SORCS1: variants seen among roughly 807,000 people sequenced by gnomAD.
SORCS1 encodes the protein sortilin related VPS10 domain containing receptor 1.
In SORCS1, 60 loss-of-function variants were observed where a neutral mutation model predicts 146.1. That is an observed-to-expected ratio of 0.41 (90% CI 0.33 to 0.51). The LOEUF (loss-of-function observed/expected upper bound fraction) is 0.51. SORCS1 is among the 20% of genes least tolerant of loss of function. The pLI is 0.21. For synonymous variants in SORCS1, 637 were observed against 584.0 expected (o/e 1.09, Z -1.31); for missense variants, 1,352 against 1,487.6 (o/e 0.91, Z 1.50).
rs1037563487 is a variant in SORCS1, at chr10:106,673,005, A to G, written c.1941-20T>C. The G allele has an allele frequency of 6.3e-7, 1 of 1,583,766 alleles. No homozygotes were observed. The highest frequency in any genetic ancestry group is 1.3e-5 in the African/African-American group (1 of 74,328). On this transcript the variant is annotated intron_variant, in intron 14 of 25. Coordinates refer to ENST00000263054, the MANE Select transcript of SORCS1 (RefSeq NM_052918.5). ...AACACTCTACAGAGTTCATGGTGAT[A>G]AAAATAATTACAATGATAACAATGT...
chr10:106,977,245 A>T (rs1956067117), intron 1 of SORCS1, among the ~76,000 whole-genome samples: 2 of 152,146 alleles, frequency 1.3e-5, no homozygotes, highest in African/African-American at 4.8e-5. Flanking sequence ...CTGGCATGAG[A>T]TGGTATCCCA....
At chr10:106,991,669 A>C (rs1956777533) in intron 1 of SORCS1, among the ~76,000 whole-genome samples, 1 of 152,158 alleles carries the variant, frequency 6.6e-6, no homozygotes, top group Admixed American at 6.5e-5. Context: ...TTAAAAAATT[A>C]TTACTCCTGG....
intron 3 of SORCS1, among the ~76,000 whole-genome samples, chr10:106,804,210 A>G (rs1207843487): frequency 2.0e-5 from 3 of 152,172 alleles, no homozygotes; most frequent in Admixed American, 6.5e-5. Context: ...GCTACTTGCC[A>G]TATCAGCTGC....
intron 4 of SORCS1, among the ~76,000 whole-genome samples, chr10:106,767,155 T>G (rs1290205154): frequency 1.3e-5 from 2 of 152,020 alleles, no homozygotes; most frequent in South Asian, 4.1e-4. Context: ...AAGATAAGAG[T>G]ATCAAAGCTG....
At chr10:107,116,423 A>G (rs991630905) in intron 1 of SORCS1, among the ~76,000 whole-genome samples, 3 of 152,122 alleles carry the variant, frequency 2.0e-5, no homozygotes, top group African/African-American at 7.2e-5. Flanking sequence ...ATACATATAT[A>G]ATGTATTATA....
intron 1 of SORCS1, among the ~76,000 whole-genome samples, chr10:107,135,305 G>T (rs1421614644): frequency 2.0e-5 from 3 of 152,124 alleles, no homozygotes; most frequent in Non-Finnish European, 4.4e-5. Context: ...TTTCCCAGAT[G>T]GCACTGAGCA....
At chr10:106,752,323 G>A (rs920978142) in intron 5 of SORCS1, among the ~76,000 whole-genome samples, 6 of 152,138 alleles carry the variant, frequency 3.9e-5, no homozygotes, top group Non-Finnish European at 8.8e-5. Flanking sequence ...GTGGGCTTTC[G>A]TATACGGCCA....
chr10:107,148,350 T>A (rs1240716871), intron 1 of SORCS1, among the ~76,000 whole-genome samples: 1 of 152,228 alleles, frequency 6.6e-6, no homozygotes, highest in Non-Finnish European at 1.5e-5. Context: ...TTTGTTGTTG[T>A]AGCAGGAAAG....
Position 106,838,199 on chromosome 10 carries a change from T to C in SORCS1, c.627-8526A>G, listed in dbSNP as rs191327133. 2.0e-5 allele frequency among the ~76,000 whole-genome samples: 3 copies of C among 152,314 alleles called. No individual in the cohort carries two copies. In the East Asian group the frequency reaches 5.8e-4, roughly 29 times the overall value. On this transcript the variant is annotated intron_variant, in intron 2 of 25. Transcript: ENST00000263054. ...TACAATAGCCCCTGCTGTTAGAAGA[T>C]AAAATCAGCCGTGTGGAAAGAAGGG...
chr10:106,790,037 T>A (rs1946237834), intron 3 of SORCS1, among the ~76,000 whole-genome samples: 1 of 152,178 alleles, frequency 6.6e-6, no homozygotes, highest in Non-Finnish European at 1.5e-5. Flanking sequence ...TAGGGTCGGG[T>A]GGGGACCATC....
chr10:106,719,209 G>GA (rs530108377), intron 6 of SORCS1, among the ~76,000 whole-genome samples: 26 of 152,300 alleles, frequency 1.7e-4, no homozygotes, highest in Non-Finnish European at 3.4e-4. Context: ...TGGGGAGGAA[G>GA]AAATGAAACC....
At chr10:107,126,524 G>T (rs765408960) in intron 1 of SORCS1, among the ~76,000 whole-genome samples, 3 of 152,144 alleles carry the variant, frequency 2.0e-5, no homozygotes, top group Non-Finnish European at 4.4e-5. Context: ...TAAAAGAGAA[G>T]AACCTTGTGA....
intron 12 of SORCS1, among the ~76,000 whole-genome samples, chr10:106,678,321 C>T (rs1186340048): frequency 1.3e-5 from 2 of 152,270 alleles, no homozygotes; most frequent in African/African-American, 4.8e-5. Context: ...CTACATACCT[C>T]CAAGATCAAT....
At chr10:106,590,950 C>T (rs1257763698) in intron 24 of SORCS1, among the ~76,000 whole-genome samples, 3 of 152,178 alleles carry the variant, frequency 2.0e-5, no homozygotes, top group Non-Finnish European at 4.4e-5. Flanking sequence ...CCAGTGCACC[C>T]AGCCCATTAT....
chr10:106,883,005 A>G (rs1382884076), intron 2 of SORCS1, among the ~76,000 whole-genome samples: 1 of 152,182 alleles, frequency 6.6e-6, no homozygotes, highest in African/African-American at 2.4e-5. Flanking sequence ...TTCGACTACA[A>G]AAGCCGTATG....
intron 3 of SORCS1, among the ~76,000 whole-genome samples, chr10:106,808,315 G>T (rs1307923786): frequency 1.3e-5 from 2 of 152,148 alleles, no homozygotes; most frequent in African/African-American, 4.8e-5. Flanking sequence ...ACCGCACCTG[G>T]CCCGGTGCTG....
chr10:107,007,302 T>C lies in SORCS1; in HGVS notation c.559-50722A>G, dbSNP rs1458733710. Among the ~76,000 whole-genome samples the C allele has an allele frequency of 3.3e-5, 5 of 152,250 alleles. No homozygotes were observed. The East Asian group carries it at 5.8e-4, about 18-fold the overall frequency. On this transcript the variant is annotated intron_variant, in intron 1 of 25. Coordinates refer to ENST00000263054, the MANE Select transcript of SORCS1 (RefSeq NM_052918.5). The stretch of plus-strand genomic sequence containing the variant: ...CAATAGACCACAGTAGGAGTGACAC[T>C]GTGCCATTTTCCAGATGAGGCATTA...
At chr10:107,056,975 G>C (rs1317198422) in intron 1 of SORCS1, among the ~76,000 whole-genome samples, 1 of 152,152 alleles carries the variant, frequency 6.6e-6, no homozygotes, top group African/African-American at 2.4e-5. Context: ...TCTTGTCACC[G>C]TGTGCACGGA....
intron 17 of SORCS1, among the ~76,000 whole-genome samples, chr10:106,653,544 T>C (rs10884339): frequency 0.071 from 10,854 of 152,290 alleles, 463 homozygotes; most frequent in East Asian, 0.21. Context: ...CTGCACTTAC[T>C]GTATGAAGGT....
Sources: allele counts gnomAD v4.1 joint callset (sites outside exome capture counted in the v4.1 genomes callset), GRCh38; gene constraint gnomAD v4.1.1; transcripts MANE v1.5; gene names NCBI Gene and HGNC (gene_info 2026-07-23, HGNC 2026-07-21).